Variants in PCED1B observed in about 807,000 individuals in gnomAD.
PCED1B encodes PC-esterase domain-containing protein 1B.
For missense variants in PCED1B, 573 were observed against 573.9 expected (o/e 1.00, Z 0.02); for synonymous variants, 251 against 246.1 (o/e 1.02, Z -0.19).
chr12:47,140,084 G>A (rs1940536809), intron 2 of PCED1B, among the ~76,000 whole-genome samples: 1 of 152,034 alleles, frequency 6.6e-6, no homozygotes, highest in Non-Finnish European at 1.5e-5. Context: ...ATTTTTTGGT[G>A]CTTCCTTCTG....
chr12:47,173,798 G>A (rs1224378363), intron 2 of PCED1B, among the ~76,000 whole-genome samples: 2 of 152,084 alleles, frequency 1.3e-5, no homozygotes, highest in African/African-American at 2.4e-5. Context: ...AGAGATTTCA[G>A]ATCTTTAAAA....
At chr12:47,167,813 T>A (rs1037970383) in intron 2 of PCED1B, among the ~76,000 whole-genome samples, 2 of 152,190 alleles carry the variant, frequency 1.3e-5, no homozygotes, top group African/African-American at 4.8e-5. Context: ...GGAGGGAAGA[T>A]GGGCCTTCTA....
chr12:47,127,258 A>G (rs552200475), intron 2 of PCED1B, among the ~76,000 whole-genome samples: 1 of 152,042 alleles, frequency 6.6e-6, no homozygotes, highest in Non-Finnish European at 1.5e-5. Flanking sequence ...ACAGATTGAA[A>G]TCTTTTATAA....
At chr12:47,130,463 G>A (rs1421152305) in intron 2 of PCED1B, among the ~76,000 whole-genome samples, 1 of 152,092 alleles carries the variant, frequency 6.6e-6, no homozygotes, top group Non-Finnish European at 1.5e-5. Flanking sequence ...GATCACTTAA[G>A]GTTAGGAGTT....
intron 1 of PCED1B, among the ~76,000 whole-genome samples, chr12:47,099,363 C>T (rs1417487379): frequency 6.6e-6 from 1 of 152,162 alleles, no homozygotes; most frequent in Non-Finnish European, 1.5e-5. Flanking sequence ...ACACATAAAG[C>T]TTTTCCTTCC....
intron 2 of PCED1B, among the ~76,000 whole-genome samples, chr12:47,127,042 T>C (rs1939916096): frequency 6.6e-6 from 1 of 152,184 alleles, no homozygotes; most frequent in Admixed American, 6.5e-5. Context: ...TTTCTTCTGC[T>C]GATTTGGGGT....
intron 3 of PCED1B, among the ~76,000 whole-genome samples, chr12:47,221,633 G>A (rs949398765): frequency 6.6e-6 from 1 of 152,190 alleles, no homozygotes; most frequent in African/African-American, 2.4e-5. Flanking sequence ...CCCAGCCAGT[G>A]CTTCAAGAAA....
intron 2 of PCED1B, among the ~76,000 whole-genome samples, chr12:47,196,007 T>C (rs1226215487): frequency 6.6e-6 from 1 of 152,212 alleles, no homozygotes; most frequent in East Asian, 1.9e-4. Context: ...ATTAGCCCAA[T>C]TTTCCAAAGA....
chr12:47,178,534 C>T (rs1941996394), intron 2 of PCED1B, among the ~76,000 whole-genome samples: 1 of 152,060 alleles, frequency 6.6e-6, no homozygotes, highest in Non-Finnish European at 1.5e-5. Flanking sequence ...CTATGTAGCT[C>T]TTGCCTCCAT....
chr12:47,099,794 T>C (rs1268585998), intron 1 of PCED1B, among the ~76,000 whole-genome samples: 1 of 152,214 alleles, frequency 6.6e-6, no homozygotes, highest in African/African-American at 2.4e-5. Context: ...AAGAAGCCAC[T>C]ATTAGCAATT....
rs1283481009 is a variant in PCED1B at position 47,089,458 on chromosome 12, ATACATATATATATAT to A, written c.-609+9734_-609+9748del. ...CAAGACTCCATCTCAAAAAAAAAAA[ATACATATATATATAT>A]ATATATATATATATATATATGTATA... On this transcript the variant is annotated intron_variant, in intron 1 of 3. Transcript: ENST00000546455. Among the ~76,000 whole-genome samples, 21 of 46,804 alleles carry A rather than the reference ATACATATATATATAT, an allele frequency of 4.5e-4. 2 individuals carry two copies. The highest frequency in any genetic ancestry group is 5.8e-4 in the Non-Finnish European group (13 of 22,538). 30.7% of individuals were successfully genotyped at this position (46,804 alleles called of 152,430 possible).
intron 3 of PCED1B, among the ~76,000 whole-genome samples, chr12:47,224,517 G>A (rs988855553): frequency 1.3e-5 from 2 of 152,214 alleles, no homozygotes; most frequent in Non-Finnish European, 2.9e-5. Context: ...TGGTAGGGAT[G>A]ATACAAATAC....
intron 2 of PCED1B, among the ~76,000 whole-genome samples, chr12:47,119,904 T>C (rs1188365567): frequency 6.6e-6 from 1 of 151,194 alleles, no homozygotes; most frequent in Non-Finnish European, 1.5e-5. Flanking sequence ...GGGGCGGAGG[T>C]TACATGAACC....
intron 2 of PCED1B, among the ~76,000 whole-genome samples, chr12:47,210,985 C>A (rs1480763763): frequency 6.6e-6 from 1 of 151,984 alleles, no homozygotes; most frequent in Non-Finnish European, 1.5e-5. Context: ...GCAATATGGG[C>A]CAATCGTATA....
intron 1 of PCED1B, among the ~76,000 whole-genome samples, chr12:47,081,095 A>C (rs1565735409): frequency 6.6e-6 from 1 of 152,220 alleles, no homozygotes; most frequent in Non-Finnish European, 1.5e-5. Flanking sequence ...TTTAATTCCA[A>C]GATAAGTTTT....
intron 2 of PCED1B, among the ~76,000 whole-genome samples, chr12:47,157,444 G>T (rs114139532): frequency 6.6e-6 from 1 of 151,930 alleles, no homozygotes; most frequent in Admixed American, 6.6e-5. Context: ...TTAAAAATTG[G>T]CCAGGCATGG....
intron 2 of PCED1B, among the ~76,000 whole-genome samples, chr12:47,180,829 C>A (rs1021814275): frequency 6.6e-6 from 1 of 152,048 alleles, no homozygotes; most frequent in Non-Finnish European, 1.5e-5. Flanking sequence ...CAACAAACAT[C>A]TGGGGAAAAA....
chr12:47,202,609 A>AG (rs1180679389), intron 2 of PCED1B, among the ~76,000 whole-genome samples: 1 of 151,068 alleles, frequency 6.6e-6, no homozygotes, highest in East Asian at 1.9e-4. Context: ...AAAAAAAAAA[A>AG]AAAAAAAAAA....
intron 2 of PCED1B, among the ~76,000 whole-genome samples, chr12:47,118,566 C>A (rs1371241391): frequency 1.3e-5 from 2 of 152,168 alleles, no homozygotes; most frequent in African/African-American, 4.8e-5. Flanking sequence ...GTTTTGGCAC[C>A]AGTACCATGT....
Sources: gnomAD v4.1 joint callset for allele counts (sites outside exome capture counted in the v4.1 genomes callset) on GRCh38, gnomAD v4.1.1 for gene constraint, MANE v1.5 for transcripts, NCBI Gene and HGNC (gene_info 2026-07-23, HGNC 2026-07-21) for gene names.